The following PSG2 variants were observed in gnomAD, a reference collection of about 807,000 sequenced individuals.
PSG2 encodes pregnancy specific beta-1-glycoprotein 2, also known as pregnancy-specific beta-1-glycoprotein 2.
A neutral mutation model predicts 36.2 loss-of-function variants in PSG2; 49 were observed. That is an observed-to-expected ratio of 1.35 (90% CI 1.08 to 1.72). The LOEUF (loss-of-function observed/expected upper bound fraction) is 1.72. PSG2 is among the 40% of genes most tolerant of loss of function. The probability of loss-of-function intolerance (pLI) is 0.00; values close to 1 mark genes in which losing one functional copy is unlikely to be tolerated. For missense variants in PSG2, 605 were observed against 407.2 expected (o/e 1.49, Z -4.18); for synonymous variants, 261 against 155.6 (o/e 1.68, Z -5.04).
chr19:43,072,805 G>C (rs941924724), intron 3 of PSG2, among the ~76,000 whole-genome samples: 17 of 151,892 alleles, frequency 1.1e-4, no homozygotes, highest in African/African-American at 4.1e-4. Context: ...CAAAGACTGT[G>C]AGGCCGCCTG....
At position 43,081,223 on chromosome 19, in the gene PSG2, G is replaced by T. The variant is rs1142250; in HGVS notation, c.88C>A (p.Leu30Met). The T allele has an allele frequency of 6.2e-7, 1 of 1,612,370 alleles. No individual in the cohort carries two copies. The highest frequency in any genetic ancestry group is 8.5e-7 in the Non-Finnish European group (1 of 1,179,532). ...ATCGTGACTTGGGCAGTGGTGGGCA[G>T]GTTCCAGAAGTTTAAAAGTGATGCT... ...VTASLLNFWN[L>M]PTTAQVTIEA... The change falls in exon 2 of 6, where the codon CTG becomes ATG. Residue 30 changes from leucine (L) to methionine (M), a missense_variant. Leu to Met is a conservative substitution (Grantham distance 15). Coordinates refer to ENST00000406487, the MANE Select transcript of PSG2 (RefSeq NM_031246.4).
chr19:43,071,681 G>T lies in PSG2; in HGVS notation c.964+19C>A, dbSNP rs764755342. ...CTCCACCTAAAACCCTACTGCCAAG[G>T]ATGCTGGGATCCACTTACCAGAGAC... On this transcript the variant is annotated intron_variant, in intron 4 of 5. Transcript: ENST00000406487. 6.2e-7 allele frequency: 1 copy of T among 1,612,768 alleles called. No individual in the cohort carries two copies. The highest frequency in any genetic ancestry group is 8.5e-7 in the Non-Finnish European group (1 of 1,179,318).
intron 3 of PSG2, among the ~76,000 whole-genome samples, chr19:43,074,379 G>A (rs867049740): frequency 6.6e-6 from 1 of 151,660 alleles, no homozygotes; most frequent in African/African-American, 2.4e-5. Flanking sequence ...TTTCAGCAAT[G>A]TTTTGTAGTT....
At chr19:43,076,003 T>G (rs2023164661) in intron 2 of PSG2, among the ~76,000 whole-genome samples, 1 of 151,634 alleles carries the variant, frequency 6.6e-6, no homozygotes, top group Non-Finnish European at 1.5e-5. Flanking sequence ...CTTCTTAGTT[T>G]CAGTCTTACT....
chr19:43,074,954 C>G (rs1450211304), intron 3 of PSG2, among the ~76,000 whole-genome samples: 2 of 151,548 alleles, frequency 1.3e-5, no homozygotes, highest in African/African-American at 2.4e-5. Context: ...TCCAGGCCAT[C>G]TGGAGCAAAG....
At chr19:43,082,341 T>G in intron 1 of PSG2, 165 bp downstream of exon 1, 1 of 1,097,320 alleles carries the variant, frequency 9.1e-7, no homozygotes, top group East Asian at 2.6e-5. Context: ...AGGGCTACAC[T>G]GTGTTGGCCA....
rs192840176 is a variant in PSG2 at position 43,075,343 on chromosome 19, A to C, written c.709+11T>G. 23 of 1,613,172 alleles carry C rather than the reference A, an allele frequency of 1.4e-5. No individual in the cohort carries two copies. Among genetic ancestry groups the C allele is most frequent in the East Asian group, 2.2e-5 (1 of 44,870 alleles). ...GGCAGTCTGGCCCACAGAGGAACAG[A>C]AGATACTCACGGAGGAGATTCAGGG... is the stretch of plus-strand genomic sequence containing the variant. On this transcript the variant is annotated intron_variant, in intron 3 of 5. Coordinates refer to ENST00000406487, the MANE Select transcript of PSG2 (RefSeq NM_031246.4).
At chr19:43,066,088 T>G (rs985770160) in intron 5 of PSG2, among the ~76,000 whole-genome samples, 8 of 151,688 alleles carry the variant, frequency 5.3e-5, no homozygotes, top group Admixed American at 1.3e-4. Context: ...AGATTCTTGA[T>G]TAAATCAATT....
rs71169213 is a variant in PSG2, at chr19:43,082,122, C to CTTTTTTTTTTTTTTTTTTTTT, written c.64+363_64+383dup. The CTTTTTTTTTTTTTTTTTTTTT allele has an allele frequency of 1.6e-4, 11 of 67,940 alleles. 3 individuals carry two copies. Among genetic ancestry groups the CTTTTTTTTTTTTTTTTTTTTT allele is most frequent in the Non-Finnish European group, 2.4e-4 (9 of 37,522 alleles). 4.2% of individuals were successfully genotyped at this position (67,940 alleles called of 1,614,324 possible). A position where few individuals can be genotyped will look rare whatever the true frequency, so the allele number is the denominator to read the frequency against. The stretch of plus-strand genomic sequence containing the variant: ...CTTTCCTTTTATTTCTTTCTTCTCT[C>CTTTTTTTTTTTTTTTTTTTTT]TTTTTTTTTTTTTTTTTTTTTTTTT... On this transcript the variant is annotated intron_variant, in intron 1 of 5. Coordinates refer to ENST00000406487, the MANE Select transcript of PSG2 (RefSeq NM_031246.4).
intron 4 of PSG2, 73 bp downstream of exon 4, chr19:43,071,627 T>C: frequency 6.2e-7 from 1 of 1,612,036 alleles, no homozygotes; most frequent in Non-Finnish European, 8.5e-7. Flanking sequence ...AAAAATGTTT[T>C]CCTGACTCTT....
Position 43,078,757 on chromosome 19 carries a change from T to A in PSG2, c.430+2124A>T, listed in dbSNP as rs149968541. Reference sequence around the variant, plus strand: ...TGGCAGACTTGGAGTCATTAAAATCTTTCTTTACTACAAATCACCATTTCA... The same window carrying A: ...TGGCAGACTTGGAGTCATTAAAATCATTCTTTACTACAAATCACCATTTCA... On this transcript the variant is annotated intron_variant, in intron 2 of 5. Coordinates refer to ENST00000406487, the MANE Select transcript of PSG2 (RefSeq NM_031246.4). Among the ~76,000 whole-genome samples the A allele has an allele frequency of 5.2e-3, 788 of 151,794 alleles. 25 individuals are homozygous for A. The highest frequency in any genetic ancestry group is 0.018 in the African/African-American group (741 of 41,162).
chr19:43,077,107 A>T lies in PSG2; in HGVS notation c.431-1475T>A, dbSNP rs1288495836. Reference sequence around the variant, plus strand: ...TTGGAGGAAATATTAAAATGTTTTCATAAGTGGAAATTTTTACTGATGATC... The same window carrying T: ...TTGGAGGAAATATTAAAATGTTTTCTTAAGTGGAAATTTTTACTGATGATC... On this transcript the variant is annotated intron_variant, in intron 2 of 5. Transcript: ENST00000406487. 2.0e-5 allele frequency among the ~76,000 whole-genome samples: 3 copies of T among 151,832 alleles called. No homozygotes were observed. The East Asian group carries it at 5.8e-4, about 29-fold the overall frequency.
intron 4 of PSG2, among the ~76,000 whole-genome samples, chr19:43,068,429 G>T (rs1967771369): frequency 6.8e-6 from 1 of 146,900 alleles, no homozygotes; most frequent in Non-Finnish European, 1.5e-5. Flanking sequence ...GGCCTACAGA[G>T]TGACAGCCTG....
intron 4 of PSG2, among the ~76,000 whole-genome samples, chr19:43,067,544 C>T (rs550981896): frequency 1.7e-4 from 25 of 151,414 alleles, no homozygotes; most frequent in East Asian, 1.4e-3. Context: ...TCATTTAATC[C>T]ACACAATAAC....
intron 2 of PSG2, among the ~76,000 whole-genome samples, chr19:43,075,994 T>C (rs1453662159): frequency 3.3e-5 from 5 of 151,648 alleles, no homozygotes; most frequent in Non-Finnish European, 7.4e-5. Context: ...TGCTGGAATC[T>C]TCTTAGTTTC....
At chr19:43,072,436 C>T in intron 3 of PSG2, 6 of 1,612,110 alleles carry the variant, frequency 3.7e-6, no homozygotes, top group Non-Finnish European at 5.1e-6. Context: ...TTTCATTTCT[C>T]GTGACACTGG....
At chr19:43,076,462 G>A (rs1194128981) in intron 2 of PSG2, among the ~76,000 whole-genome samples, 3 of 151,784 alleles carry the variant, frequency 2.0e-5, no homozygotes, top group Non-Finnish European at 4.4e-5. Context: ...ACTGACTGGT[G>A]GAAAGGGTGA....
intron 3 of PSG2, chr19:43,072,417 A>G: frequency 1.2e-6 from 2 of 1,612,528 alleles, no homozygotes; most frequent in South Asian, 2.2e-5. Flanking sequence ...TCACATTCAT[A>G]GGGTCCTGTT....
chr19:43,074,319 AT>A (rs1225726352), intron 3 of PSG2, among the ~76,000 whole-genome samples: 5 of 151,794 alleles, frequency 3.3e-5, no homozygotes, highest in African/African-American at 1.2e-4. Flanking sequence ...GAGTCTTCCA[AT>A]CCATGAAAAT....
Sources: gnomAD v4.1 joint callset for allele counts (sites outside exome capture counted in the v4.1 genomes callset) on GRCh38, gnomAD v4.1.1 for gene constraint, MANE v1.5 for transcripts, NCBI Gene and HGNC (gene_info 2026-07-23, HGNC 2026-07-21) for gene names.